The following MICAL3 variants were observed in gnomAD, a reference collection of about 807,000 sequenced individuals.
MICAL3 encodes [F-actin]-monooxygenase MICAL3.
In MICAL3, 62 loss-of-function variants were observed where a neutral mutation model predicts 207.4. That is an observed-to-expected ratio of 0.30 (90% confidence interval 0.24 to 0.37). MICAL3 has a LOEUF of 0.37. MICAL3 is among the 10% of genes least tolerant of loss of function. The probability of loss-of-function intolerance (pLI) is 1.00; values close to 1 mark genes in which losing one functional copy is unlikely to be tolerated. For missense variants in MICAL3, 2,368 were observed against 2,635.6 expected (o/e 0.90, Z 2.22); for synonymous variants, 1,077 against 1,069.3 (o/e 1.01, Z -0.14).
chr22:17,798,198 C>T (rs892908003), intron 29 of MICAL3, among the ~76,000 whole-genome samples: 11 of 152,300 alleles, frequency 7.2e-5, no homozygotes, highest in East Asian at 3.9e-4. Flanking sequence ...TCTATTTCCA[C>T]GTGAAAATAC....
chr22:17,821,618 G>A (rs1291023816), intron 24 of MICAL3, 109 bp from the exon 25 acceptor site: 6 of 850,072 alleles, frequency 7.1e-6, no homozygotes, highest in Admixed American at 3.0e-5. Flanking sequence ...AGGGCGAGTC[G>A]CTGAGTCGGC....
At chr22:17,905,191 G>A (rs1369789910) in intron 2 of MICAL3, among the ~76,000 whole-genome samples, 1 of 152,188 alleles carries the variant, frequency 6.6e-6, no homozygotes, top group Non-Finnish European at 1.5e-5. Flanking sequence ...CAACAGGAGA[G>A]GACCATTTCG....
In MICAL3 at chr22:17,954,750, C is replaced by CTT. The variant is rs60984165; in HGVS notation, c.-74-47866_-74-47865dup. 4.4e-4 allele frequency among the ~76,000 whole-genome samples: 63 copies of CTT among 144,510 alleles called. 1 individual carries two copies. The highest frequency in any genetic ancestry group is 6.7e-4 in the South Asian group (3 of 4,508). 94.8% of individuals were successfully genotyped at this position (144,510 alleles called of 152,430 possible). A position where few individuals can be genotyped will look rare whatever the true frequency, so the allele number is the denominator to read the frequency against. The stretch of plus-strand genomic sequence containing the variant: ...AAACAAACTGGATTCAAGTCTTTTC[C>CTT]TTTTTTTTTTTTTTGAGACGGAATC... On this transcript the variant is annotated intron_variant, in intron 1 of 31. Coordinates refer to ENST00000441493, the MANE Select transcript of MICAL3 (RefSeq NM_015241.3).
chr22:17,810,054 ATTTT>A (rs758573402), intron 28 of MICAL3, among the ~76,000 whole-genome samples: 4 of 97,050 alleles, frequency 4.1e-5, no homozygotes, highest in South Asian at 3.5e-4. Context: ...ATGCCTGGCT[ATTTT>A]TTTTTTTTTT....
At chr22:17,791,448 C>T (rs1171443926) in intron 29 of MICAL3, 147 bp from the exon 30 acceptor site, 1 of 700,244 alleles carries the variant, frequency 1.4e-6, no homozygotes, top group Non-Finnish European at 2.5e-6. Context: ...TTGCCTGCAG[C>T]CATGGGGCCC....
Position 17,818,341 on chromosome 22 carries a change from C to T in MICAL3, c.4320G>A (p.Leu1440=), listed in dbSNP as rs755319643. ...CCGAGGTGTTGAAGCTCTGGCTGCC[C>T]AGTGTCTTCATGTTGGAGGAGCTCC... The part of the protein sequence containing the change: ...LHGSSSNMKT[L]GSQSFNTSDS... The change falls in exon 26 of 32, where the codon CTG becomes CTA. Residue 1440 remains leucine, a synonymous_variant. Transcript: ENST00000441493. 1.9e-6 allele frequency: 3 copies of T among 1,592,474 alleles called. No homozygotes were observed. The highest frequency in any genetic ancestry group is 2.2e-5 in the South Asian group (2 of 89,658).
intron 20 of MICAL3, among the ~76,000 whole-genome samples, chr22:17,838,813 G>T (rs1189772525): frequency 6.6e-6 from 1 of 152,150 alleles, no homozygotes; most frequent in East Asian, 1.9e-4. Flanking sequence ...TCTCAGCAAG[G>T]AAGGACCGAC....
intron 1 of MICAL3, among the ~76,000 whole-genome samples, chr22:17,989,533 G>A (rs1234233845): frequency 1.3e-5 from 2 of 151,768 alleles, no homozygotes; most frequent in African/African-American, 2.4e-5. Context: ...TGGCCTCCTC[G>A]CTGCCCCTGA....
chr22:17,943,281 G>A (rs1015769840), intron 1 of MICAL3, among the ~76,000 whole-genome samples: 22 of 152,058 alleles, frequency 1.4e-4, no homozygotes, highest in African/African-American at 4.8e-4. Context: ...TCCTGACTCC[G>A]CCTCCCGAGT....
intron 1 of MICAL3, among the ~76,000 whole-genome samples, chr22:18,010,677 A>G (rs186664363): frequency 5.9e-5 from 9 of 152,232 alleles, no homozygotes; most frequent in Admixed American, 5.9e-4. Flanking sequence ...AGTTCCTTCC[A>G]CCTTGAGCCA....
intron 15 of MICAL3, 87 bp from the exon 16 acceptor site, chr22:17,886,138 G>A: frequency 7.1e-7 from 1 of 1,416,314 alleles, no homozygotes; most frequent in Non-Finnish European, 9.8e-7. Flanking sequence ...CTCAGGACCT[G>A]GCATGGGGGC....
intron 21 of MICAL3, among the ~76,000 whole-genome samples, chr22:17,829,907 G>A (rs188727201): frequency 2.0e-5 from 3 of 152,256 alleles, no homozygotes; most frequent in Admixed American, 6.5e-5. Flanking sequence ...GTCTGGGCAG[G>A]CTGGGACCAG....
chr22:17,998,567 T>TA (rs1569162288), intron 1 of MICAL3, among the ~76,000 whole-genome samples: 90 of 150,690 alleles, frequency 6.0e-4, no homozygotes, highest in African/African-American at 2.2e-3. Flanking sequence ...ATTATTATTT[T>TA]TTTTTTGAGA....
chr22:17,961,379 C>A (rs755824551), intron 1 of MICAL3, among the ~76,000 whole-genome samples: 1 of 152,174 alleles, frequency 6.6e-6, no homozygotes, highest in East Asian at 1.9e-4. Context: ...GAATAACCCG[C>A]GGCCATTCTC....
chr22:17,863,252 T>C (rs968652893), intron 19 of MICAL3: 1 of 985,322 alleles, frequency 1.0e-6, no homozygotes, highest in African/African-American at 1.7e-5. Flanking sequence ...AAATGTTCTG[T>C]ACTCCAAACC....
At chr22:17,808,323 C>T (rs2062009037) in intron 29 of MICAL3, among the ~76,000 whole-genome samples, 1 of 152,254 alleles carries the variant, frequency 6.6e-6, no homozygotes, top group African/African-American at 2.4e-5. Flanking sequence ...CAGCCTTCAG[C>T]AGACACAGGG....
chr22:17,960,165 G>C (rs1934835293), intron 1 of MICAL3, among the ~76,000 whole-genome samples: 1 of 152,206 alleles, frequency 6.6e-6, no homozygotes, highest in Admixed American at 6.5e-5. Context: ...AGCATGGCTA[G>C]CTCACTCCCA....
intron 19 of MICAL3, among the ~76,000 whole-genome samples, chr22:17,844,967 C>T (rs1924478096): frequency 6.6e-6 from 1 of 152,212 alleles, no homozygotes; most frequent in Admixed American, 6.5e-5. Flanking sequence ...CCCATCCCTT[C>T]CTTCTCCTCA....
intron 1 of MICAL3, among the ~76,000 whole-genome samples, chr22:17,922,290 G>A (rs1932819208): frequency 6.6e-6 from 1 of 152,278 alleles, no homozygotes; most frequent in African/African-American, 2.4e-5. Flanking sequence ...CAGATGCCAA[G>A]AAAGAAGGAA....
Sources: allele counts gnomAD v4.1 joint callset (sites outside exome capture counted in the v4.1 genomes callset), GRCh38; gene constraint gnomAD v4.1.1; transcripts MANE v1.5; gene names NCBI Gene and HGNC (gene_info 2026-07-23, HGNC 2026-07-21).